ELP2: variants seen among roughly 807,000 people sequenced by gnomAD.
ELP2 encodes elongator acetyltransferase complex subunit 2.
A neutral mutation model predicts 119.2 loss-of-function variants in ELP2; 90 were observed. That is an observed-to-expected ratio of 0.75 (90% CI 0.64 to 0.90). ELP2 has a LOEUF of 0.90. Ranked by LOEUF, ELP2 falls within the 40% of genes least tolerant of loss-of-function variation. The probability of loss-of-function intolerance (pLI) is 0.00; values close to 1 mark genes in which losing one functional copy is unlikely to be tolerated. For missense variants in ELP2, 921 were observed against 967.8 expected, an observed-to-expected ratio of 0.95 and a Z score of 0.64; for synonymous variants, 339 against 331.0, an observed-to-expected ratio of 1.02 and a Z score of -0.26.
chr18:36,138,043 A>G (rs998254018), intron 3 of ELP2: 27 of 504,380 alleles, frequency 5.4e-5, no homozygotes, highest in Non-Finnish European at 1.1e-5. Context: ...ATTCTTCAGA[A>G]TACCTATTGT....
chr18:36,155,428 T>TA (rs2090543690), intron 12 of ELP2, among the ~76,000 whole-genome samples: 1 of 152,046 alleles, frequency 6.6e-6, no homozygotes, highest in Non-Finnish European at 1.5e-5. Flanking sequence ...CATGATGAGA[T>TA]ACCACCACAC....
intron 16 of ELP2, among the ~76,000 whole-genome samples, chr18:36,160,481 G>C (rs2090702431): frequency 6.6e-6 from 1 of 151,896 alleles, no homozygotes; most frequent in South Asian, 2.1e-4. Context: ...GAGAGACTGA[G>C]GCTGGAGGAT....
Position 36,156,448 on chromosome 18 carries a change from T to G in ELP2, c.1276-18T>G. 1 of 1,613,412 alleles carries G rather than the reference T, an allele frequency of 6.2e-7. No individual in the cohort carries two copies. Among genetic ancestry groups the G allele is most frequent in the Non-Finnish European group, 8.5e-7 (1 of 1,179,362 alleles). On this transcript the variant is annotated intron_variant, in intron 12 of 21. Transcript: ENST00000358232. The stretch of plus-strand genomic sequence containing the variant: ...TCAGCTTTTGAATGATCATTTTTGT[T>G]TATCCCGTTTTACCCAGGTGACTTG...
intron 11 of ELP2, among the ~76,000 whole-genome samples, chr18:36,151,723 G>A (rs568701047): frequency 6.8e-6 from 1 of 147,544 alleles, no homozygotes; most frequent in South Asian, 2.2e-4. Context: ...GATCCATTTA[G>A]TATCTTCTGT....
chr18:36,133,095 T>C, intron 1 of ELP2, 143 bp from the exon 2 acceptor site: 1 of 669,624 alleles, frequency 1.5e-6, no homozygotes. Context: ...GGTTAAAAGT[T>C]TATAGATTGA....
intron 11 of ELP2, among the ~76,000 whole-genome samples, chr18:36,151,896 C>T (rs539513293): frequency 1.0e-3 from 159 of 151,874 alleles, no homozygotes; most frequent in African/African-American, 3.6e-3. Context: ...TACATGCACC[C>T]ACCACCATGC....
Position 36,148,389 on chromosome 18 carries a change from A to T in ELP2, c.1125+2008A>T, listed in dbSNP as rs144884812. Among the ~76,000 whole-genome samples the T allele has an allele frequency of 1.9e-4, 29 of 152,244 alleles. No homozygotes were observed. In the East Asian group the frequency reaches 5.4e-3, roughly 28 times the overall value. The stretch of plus-strand genomic sequence containing the variant: ...GCCCAGCTGGTCGGGTTTAAGACAC[A>T]CAGTCAAACAGGTGGGGAAGATTAG... On this transcript the variant is annotated intron_variant, in intron 11 of 21. Transcript: ENST00000358232.
At chr18:36,163,790 T>A (rs1427965324) in intron 17 of ELP2, among the ~76,000 whole-genome samples, 1 of 152,184 alleles carries the variant, frequency 6.6e-6, no homozygotes, top group Non-Finnish European at 1.5e-5. Context: ...TTTATTCAGT[T>A]CTATTGATCT....
chr18:36,136,364 T>C lies in ELP2; in HGVS notation c.275T>C (p.Ile92Thr), dbSNP rs779250000. The change falls in exon 3 of 22, where the codon ATA becomes ACA. Residue 92 changes from isoleucine to threonine, a missense_variant. Coordinates refer to ENST00000358232, the MANE Select transcript of ELP2 (RefSeq NM_018255.4). ...GSDNQVIHWE[I>T]EDNQLLKAVH... ...GATAATCAAGTGATTCACTGGGAAA[T>C]AGAGGATAATCAGGTGAGTGGACAT... is the stretch of plus-strand genomic sequence containing the variant. 3.1e-6 allele frequency: 5 copies of C among 1,610,722 alleles called. No homozygotes were observed. Among genetic ancestry groups the C allele is most frequent in the Admixed American group, 1.7e-5 (1 of 60,004 alleles).
chr18:36,163,256 C>T (rs369083530), intron 17 of ELP2, among the ~76,000 whole-genome samples: 6 of 101,412 alleles, frequency 5.9e-5, no homozygotes, highest in African/African-American at 1.7e-4. Flanking sequence ...TTTTTATGGC[C>T]GAGTAGTAGT....
chr18:36,149,471 G>GTT lies in ELP2; in HGVS notation c.1125+3095_1125+3096dup, dbSNP rs1457178336. On this transcript the variant is annotated intron_variant, in intron 11 of 21. Transcript: ENST00000358232. ...CAAGACTTAGAAACATAGTTGCAGG[G>GTT]TTTTTTGTTTTGTTTTGTTTTTTTT... Among the ~76,000 whole-genome samples the GTT allele has an allele frequency of 2.7e-3, 178 of 66,854 alleles. 1 individual carries two copies. The highest frequency in any genetic ancestry group is 0.012 in the Middle Eastern group (1 of 82). The allele number at this position is 66,854 out of a possible 152,430, so 43.9% of individuals were successfully genotyped here. A position where few individuals can be genotyped will look rare whatever the true frequency, so the allele number is the denominator to read the frequency against.
Position 36,174,562 on chromosome 18 carries a change from G to A in ELP2, c.2402G>A (p.Gly801Asp). ...AAAACTGAACAGAAGGAAGCAGAAGGTGCTGAGTGGTTACACTTTGCAAGC... is the reference window on the plus strand; with the variant it reads ...AAAACTGAACAGAAGGAAGCAGAAGATGCTGAGTGGTTACACTTTGCAAGC... ...SGKTEQKEAE[G>D]AEWLHFASCG... is the part of the protein sequence containing the mutation. The change falls in exon 22 of 22, where the codon GGT (glycine) becomes GAT (aspartate). Residue 801 changes from glycine (G) to aspartate (D), a missense_variant. Physicochemically the swap from Gly to Asp is moderately conservative, Grantham distance 94. Coordinates refer to ENST00000358232, the MANE Select transcript of ELP2 (RefSeq NM_018255.4). 6.2e-7 allele frequency: 1 copy of A among 1,614,160 alleles called. No homozygotes were observed. The highest frequency in any genetic ancestry group is 8.5e-7 in the Non-Finnish European group (1 of 1,179,988).
intron 18 of ELP2, chr18:36,164,947 G>A (rs1243939308): frequency 2.5e-6 from 1 of 402,840 alleles, no homozygotes; most frequent in East Asian, 5.0e-5. Flanking sequence ...CTGTATGTAG[G>A]AAGTTAGGTT....
chr18:36,172,223 C>T (rs907113253), intron 21 of ELP2, among the ~76,000 whole-genome samples: 1 of 152,158 alleles, frequency 6.6e-6, no homozygotes, highest in Admixed American at 6.5e-5. Flanking sequence ...GCCATAATCA[C>T]ACCATTGCAC....
chr18:36,133,208 A>G (rs193081734), intron 1 of ELP2, 30 bp from the exon 2 acceptor site: 17 of 1,455,104 alleles, frequency 1.2e-5, no homozygotes, highest in Non-Finnish European at 1.5e-5. Flanking sequence ...GATAAATTCC[A>G]GTTTACTAAC....
At chr18:36,133,452 G>T in intron 2 of ELP2, 136 bp downstream of exon 2, 1 of 713,530 alleles carries the variant, frequency 1.4e-6, no homozygotes. Context: ...CAAGAAAAAT[G>T]GTATTCCCAG....
At position 36,179,518 on chromosome 18, in the gene ELP2, G is replaced by A. The variant is rs72888763; in HGVS notation, c.*4877G>A. Reference sequence around the variant, plus strand: ...AAAAAAAAATCTGGGACCCAGTACTGAGTGAAGACACCAGAGTGAAGGAGA... The same window carrying A: ...AAAAAAAAATCTGGGACCCAGTACTAAGTGAAGACACCAGAGTGAAGGAGA... On this transcript the variant is annotated 3_prime_UTR_variant, in exon 22 of 22. Coordinates refer to ENST00000358232, the MANE Select transcript of ELP2 (RefSeq NM_018255.4). The A allele has an allele frequency of 0.17, 25,011 of 148,798 alleles. 2,832 individuals carry two copies. The highest frequency in any genetic ancestry group is 0.39 in the East Asian group (1,934 of 4,980). The allele number at this position is 148,798 out of a possible 1,614,324, so 9.2% of individuals were successfully genotyped here.
chr18:36,159,842 C>G lies in ELP2; in HGVS notation c.1630+12C>G. 1.2e-6 allele frequency: 2 copies of G among 1,611,916 alleles called. No individual in the cohort carries two copies. The highest frequency in any genetic ancestry group is 1.7e-6 in the Non-Finnish European group (2 of 1,178,128). On this transcript the variant is annotated intron_variant, in intron 15 of 21. Transcript: ENST00000358232. ...CTCCATACTTACTGGTAAGATGTGACAAAGACAATTTAATAAATCGCTAGA... is the reference window on the plus strand; with the variant it reads ...CTCCATACTTACTGGTAAGATGTGAGAAAGACAATTTAATAAATCGCTAGA...
chr18:36,154,192 G>T (rs1312750495), intron 11 of ELP2, among the ~76,000 whole-genome samples: 5 of 149,720 alleles, frequency 3.3e-5, no homozygotes, highest in African/African-American at 1.2e-4. Flanking sequence ...TTAAGTTTTA[G>T]TCCCACTTGA....
Sources: gnomAD v4.1 joint callset for allele counts (sites outside exome capture counted in the v4.1 genomes callset) on GRCh38, gnomAD v4.1.1 for gene constraint, MANE v1.5 for transcripts, NCBI Gene and HGNC (gene_info 2026-07-23, HGNC 2026-07-21) for gene names.